Variants in MATN2 observed in about 807,000 individuals in gnomAD.
MATN2 encodes the protein matrilin-2.
A neutral mutation model predicts 103.2 loss-of-function variants in MATN2; 69 were observed. The observed-to-expected ratio is 0.67, with a 90% CI of 0.55 to 0.82. The LOEUF (loss-of-function observed/expected upper bound fraction) is 0.82. MATN2 is among the 40% of genes least tolerant of loss of function. MATN2 has a pLI of 0.00. For synonymous variants in MATN2, 429 were observed against 450.2 expected, an observed-to-expected ratio of 0.95 and a Z score of 0.60; for missense variants, 1,023 against 1,211.5, an observed-to-expected ratio of 0.84 and a Z score of 2.31.
At chr8:98,023,536 T>C (rs1236269418) in intron 13 of MATN2, among the ~76,000 whole-genome samples, 1 of 152,080 alleles carries the variant, frequency 6.6e-6, no homozygotes, top group African/African-American at 2.4e-5. Flanking sequence ...CTGGTTGTGG[T>C]GGTACGTGGC....
At position 98,027,701 on chromosome 8, in the gene MATN2, A is replaced by T. The variant is rs1813861443; in HGVS notation, c.2228A>T (p.Glu743Val). The T allele has an allele frequency of 6.2e-7, 1 of 1,613,964 alleles. No homozygotes were observed. The highest frequency in any genetic ancestry group is 1.7e-5 in the Admixed American group (1 of 60,014). ...MTGLALKHMFERSFTQGEGAR... is the reference protein window; with the variant it reads ...MTGLALKHMFVRSFTQGEGAR... ...GGGCTGGCCCTGAAACACATGTTTG[A>T]GAGAAGTTTTACCCAAGGAGAAGGG... Residue 743 changes from glutamate (E) to valine (V), a missense_variant, in exon 14 of 19, where the codon GAG becomes GTG. By Grantham distance (121) the Glu-to-Val change is moderately radical (BLOSUM62 -2). Transcript: ENST00000254898.
chr8:98,033,134 T>C lies in MATN2; in HGVS notation c.2674T>C (p.Leu892=), dbSNP rs754264337. ...ATATCTGTTTGAAGAAGACAATCTTTTACGGTCTACACAAAAGCTTTCCCA... is the reference window on the plus strand; with the variant it reads ...ATATCTGTTTGAAGAAGACAATCTTCTACGGTCTACACAAAAGCTTTCCCA... The part of the protein sequence containing the change: ...HRYLFEEDNL[L]RSTQKLSHST... The change falls in exon 17 of 19, where the codon TTA becomes CTA. Residue 892 remains leucine (L), a synonymous_variant. Coordinates refer to ENST00000254898, the MANE Select transcript of MATN2 (RefSeq NM_002380.5). The C allele has an allele frequency of 6.8e-6, 11 of 1,610,892 alleles. No homozygotes were observed. In the South Asian group the frequency reaches 1.2e-4, roughly 18 times the overall value.
In MATN2 at chr8:98,035,907, A is replaced by C; in HGVS notation, c.*195A>C. On this transcript the variant is annotated 3_prime_UTR_variant, in exon 19 of 19. Coordinates refer to ENST00000254898, the MANE Select transcript of MATN2 (RefSeq NM_002380.5). ...TTGTATAAATTTATCTAGGAAAAAAATCCTTCAGAATTCTAAGATGAATTT... is the reference window on the plus strand; with the variant it reads ...TTGTATAAATTTATCTAGGAAAAAACTCCTTCAGAATTCTAAGATGAATTT... 1 of 405,656 alleles carries C rather than the reference A, an allele frequency of 2.5e-6. No homozygotes were observed. Among genetic ancestry groups the C allele is most frequent in the Middle Eastern group, 6.1e-4 (1 of 1,644 alleles). 25.1% of individuals were successfully genotyped at this position (405,656 alleles called of 1,614,324 possible). A position where few individuals can be genotyped will look rare whatever the true frequency, so the allele number is the denominator to read the frequency against.
At chr8:97,955,970 C>T (rs1022252310) in intron 4 of MATN2, among the ~76,000 whole-genome samples, 2 of 152,302 alleles carry the variant, frequency 1.3e-5, no homozygotes, top group East Asian at 1.9e-4. Flanking sequence ...TGATGCAGGA[C>T]AAGTGAGCCC....
chr8:98,014,896 G>A (rs773639433), intron 10 of MATN2, among the ~76,000 whole-genome samples: 21 of 152,096 alleles, frequency 1.4e-4, no homozygotes, highest in Non-Finnish European at 2.2e-4. Context: ...TAATAATTCC[G>A]ATTCATGTCC....
chr8:97,979,100 A>C, intron 6 of MATN2, 92 bp downstream of exon 6: 1 of 1,403,008 alleles, frequency 7.1e-7, no homozygotes, highest in Non-Finnish European at 9.7e-7. Flanking sequence ...ATAGATTAGC[A>C]ATATAATTAT....
chr8:97,992,307 T>A (rs143683878), intron 6 of MATN2, among the ~76,000 whole-genome samples: 26 of 152,328 alleles, frequency 1.7e-4, no homozygotes, highest in African/African-American at 5.3e-4. Flanking sequence ...TATTTTTATG[T>A]TTGTAACTTT....
intron 5 of MATN2, 69 bp downstream of exon 5, chr8:97,961,599 C>T (rs1175688807): frequency 4.8e-6 from 7 of 1,447,664 alleles, no homozygotes; most frequent in Middle Eastern, 1.8e-4. Flanking sequence ...AGGGGAGACT[C>T]ACGTGTACCT....
Position 97,954,078 on chromosome 8 carries a change from C to T in MATN2, c.836-7330C>T, listed in dbSNP as rs543789491. 7.9e-5 allele frequency among the ~76,000 whole-genome samples: 12 copies of T among 152,258 alleles called. No homozygotes were observed. In the South Asian group the frequency reaches 2.5e-3, roughly 32 times the overall value. ...AAGATATTTAACCTTTTTATGAAAA[C>T]TGAATCTCTCAAAAGTCCCTTACTT... On this transcript the variant is annotated intron_variant, in intron 4 of 18. Transcript: ENST00000254898.
chr8:97,980,349 C>T (rs541260596), intron 6 of MATN2, among the ~76,000 whole-genome samples: 3 of 152,106 alleles, frequency 2.0e-5, no homozygotes, highest in South Asian at 2.1e-4. Flanking sequence ...CCTGTGCTGT[C>T]GTCGTGGTTG....
intron 2 of MATN2, among the ~76,000 whole-genome samples, chr8:97,905,243 T>C (rs570428056): frequency 9.2e-5 from 14 of 152,366 alleles, no homozygotes; most frequent in Admixed American, 8.5e-4. Context: ...ATACATAAGA[T>C]AAAATTGACT....
At chr8:97,978,313 C>T (rs924636875) in intron 5 of MATN2, among the ~76,000 whole-genome samples, 39 of 152,144 alleles carry the variant, frequency 2.6e-4, no homozygotes, top group Admixed American at 8.5e-4. Context: ...GAAAAATCAG[C>T]CAGTGTATTT....
intron 6 of MATN2, among the ~76,000 whole-genome samples, chr8:97,988,169 A>AC (rs57037125): frequency 1.1e-4 from 7 of 64,526 alleles, no homozygotes; most frequent in Admixed American, 1.9e-4. Context: ...AAAAAAAAAA[A>AC]AAATATATAT....
rs373611544 is a variant in MATN2, at chr8:97,872,834, G to C, written c.-27+3547G>C. ...TTTCAAGACAGAGTCTCGTTCTATC[G>C]CCCACGCTAGAGTGCAGTGGCGTGA... On this transcript the variant is annotated intron_variant, in intron 1 of 18. Coordinates refer to ENST00000254898, the MANE Select transcript of MATN2 (RefSeq NM_002380.5). Among the ~76,000 whole-genome samples, 37 of 149,832 alleles carry C rather than the reference G, an allele frequency of 2.5e-4. 1 individual carries two copies. In the East Asian group the frequency reaches 5.8e-3, roughly 24 times the overall value.
In MATN2 at chr8:98,016,633, T is replaced by C. The variant is rs1813369641; in HGVS notation, c.1667T>C (p.Ile556Thr). 3 of 1,612,246 alleles carry C rather than the reference T, an allele frequency of 1.9e-6. No individual in the cohort carries two copies. The East Asian group carries it at 6.7e-5, about 36-fold the overall frequency. The change falls in exon 11 of 19, where the codon ATA becomes ACA. Residue 556 changes from isoleucine (I) to threonine (T), a missense_variant. Physicochemically the swap from Ile to Thr is moderately conservative, Grantham distance 89. Transcript: ENST00000254898. ...SFVCQCFEGY[I>T]LREDGKTCRR... ...GTGTGCCAGTGCTTTGAAGGTTATA[T>C]ACTCCGTGAAGATGGAAAAACCTGC...
In MATN2 at chr8:98,032,397, G is replaced by T; in HGVS notation, c.2581+80G>T. 4 of 1,043,688 alleles carry T rather than the reference G, an allele frequency of 3.8e-6. No individual in the cohort carries two copies. The South Asian group carries it at 5.6e-5, about 15-fold the overall frequency. The allele number at this position is 1,043,688 out of a possible 1,614,324, so 64.7% of individuals were successfully genotyped here. Reference sequence around the variant, plus strand: ...CCCTCCAGATAAAAGCTGTAAAGAAGTGAATGTAAGTATGTTCAAATTATG... The same window carrying T: ...CCCTCCAGATAAAAGCTGTAAAGAATTGAATGTAAGTATGTTCAAATTATG... On this transcript the variant is annotated intron_variant, in intron 16 of 18. Transcript: ENST00000254898.
At chr8:97,953,194 C>T (rs915056101) in intron 4 of MATN2, among the ~76,000 whole-genome samples, 48 of 151,976 alleles carry the variant, frequency 3.2e-4, no homozygotes, top group African/African-American at 1.1e-3. Flanking sequence ...TGTGACCCAT[C>T]GTGCCGGCCC....
chr8:98,011,937 G>A (rs1172437491), intron 10 of MATN2, among the ~76,000 whole-genome samples: 1 of 152,164 alleles, frequency 6.6e-6, no homozygotes, highest in Non-Finnish European at 1.5e-5. Flanking sequence ...ATCATCCTGA[G>A]CACACGCTGC....
intron 6 of MATN2, among the ~76,000 whole-genome samples, chr8:97,979,273 A>G (rs1811944373): frequency 1.3e-5 from 2 of 152,222 alleles, no homozygotes; most frequent in Admixed American, 6.5e-5. Context: ...GCATGCTGAC[A>G]ATCCGAGCAA....
Sources: gnomAD v4.1 joint callset for allele counts (sites outside exome capture counted in the v4.1 genomes callset) on GRCh38, gnomAD v4.1.1 for gene constraint, MANE v1.5 for transcripts, NCBI Gene and HGNC (gene_info 2026-07-23, HGNC 2026-07-21) for gene names.